FER: variants seen among roughly 807,000 people sequenced by gnomAD.
FER encodes tyrosine-protein kinase Fer.
FER carries 63 observed loss-of-function variants against 111.0 expected under a neutral mutation model. The ratio of observed to expected loss-of-function variants is 0.57; its 90% CI spans 0.46 to 0.70. The LOEUF (loss-of-function observed/expected upper bound fraction) is 0.70, where lower values mean the gene tolerates loss of function less well. FER is among the 30% of genes least tolerant of loss of function. The pLI is 0.00. For synonymous variants in FER, 327 were observed against 313.9 expected (o/e 1.04, Z -0.44); for missense variants, 914 against 954.0 (o/e 0.96, Z 0.55).
intron 13 of FER, among the ~76,000 whole-genome samples, chr5:109,034,612 C>A (rs1770105281): frequency 6.6e-6 from 1 of 152,078 alleles, no homozygotes; most frequent in Non-Finnish European, 1.5e-5. Flanking sequence ...GTCAATACTT[C>A]ACTATTTTAC....
At chr5:109,024,937 C>T (rs956773569) in intron 13 of FER, among the ~76,000 whole-genome samples, 53 of 149,936 alleles carry the variant, frequency 3.5e-4, no homozygotes, top group African/African-American at 1.0e-3. Context: ...TGTAGATATA[C>T]GGCCTTATTT....
intron 3 of FER, among the ~76,000 whole-genome samples, chr5:108,805,494 A>G (rs568614823): frequency 6.6e-6 from 1 of 152,344 alleles, no homozygotes; most frequent in South Asian, 2.1e-4. Flanking sequence ...AGGTTGGAAC[A>G]GTTTGGAAGG....
At chr5:108,998,359 T>A (rs1764282390) in intron 13 of FER, among the ~76,000 whole-genome samples, 1 of 152,038 alleles carries the variant, frequency 6.6e-6, no homozygotes, top group South Asian at 2.1e-4. Context: ...GCAGTGTTCC[T>A]CACAGCACAG....
chr5:108,929,087 G>T (rs1754196057), intron 10 of FER, among the ~76,000 whole-genome samples: 1 of 152,102 alleles, frequency 6.6e-6, no homozygotes, highest in Non-Finnish European at 1.5e-5. Context: ...TGAGGGGACT[G>T]GGAAAGAGGA....
chr5:108,825,271 C>T (rs1018999647), intron 3 of FER, among the ~76,000 whole-genome samples: 2 of 152,084 alleles, frequency 1.3e-5, no homozygotes, highest in Non-Finnish European at 2.9e-5. Context: ...TTTATTTCAC[C>T]CCTGCAGTCT....
At chr5:108,871,307 G>T in intron 6 of FER, 58 bp from the exon 7 acceptor site, 1 of 1,393,890 alleles carries the variant, frequency 7.2e-7, no homozygotes, top group South Asian at 1.3e-5. Context: ...TCCTTTTTGA[G>T]ATAGTATCTC....
rs376452998 is a variant in FER, at chr5:109,037,524, T to C, written c.1713+46T>C. 4 of 1,497,626 alleles carry C rather than the reference T, an allele frequency of 2.7e-6. No homozygotes were observed. The African/African-American group carries it at 4.2e-5, about 16-fold the overall frequency. The allele number at this position is 1,497,626 out of a possible 1,614,324, so 92.8% of individuals were successfully genotyped here. ...AATAACCAGAAGTCTCTATATTGAT[T>C]GTGAAGACTGCAGATTTTTTCATTT... On this transcript the variant is annotated intron_variant, in intron 14 of 19. Transcript: ENST00000281092.
intron 16 of FER, among the ~76,000 whole-genome samples, chr5:109,059,396 C>G (rs1219356180): frequency 6.0e-5 from 9 of 150,972 alleles, no homozygotes; most frequent in Non-Finnish European, 1.2e-4. Flanking sequence ...GGTGTGGTGG[C>G]GCACGCCTGT....
chr5:108,759,561 TTAAAAA>T (rs1290879840), intron 1 of FER, among the ~76,000 whole-genome samples: 2 of 152,204 alleles, frequency 1.3e-5, no homozygotes, highest in African/African-American at 2.4e-5. Flanking sequence ...ACTGAGTAAT[TTAAAAA>T]TAATAGAAAT....
intron 10 of FER, among the ~76,000 whole-genome samples, chr5:108,943,606 A>G (rs1756562119): frequency 6.6e-6 from 1 of 152,164 alleles, no homozygotes; most frequent in African/African-American, 2.4e-5. Context: ...ACTAAATGGA[A>G]TATTGCAGTG....
intron 14 of FER, among the ~76,000 whole-genome samples, chr5:109,038,184 A>G (rs1385210407): frequency 6.6e-6 from 1 of 151,950 alleles, no homozygotes; most frequent in African/African-American, 2.4e-5. Context: ...TTTTATTTAT[A>G]ATTGAGTTCC....
At chr5:108,891,748 C>G (rs1427163026) in intron 9 of FER, among the ~76,000 whole-genome samples, 3 of 151,090 alleles carry the variant, frequency 2.0e-5, no homozygotes, top group Non-Finnish European at 4.4e-5. Flanking sequence ...ATGTGCCATG[C>G]TGGTGTGCTG....
At chr5:109,054,338 C>A (rs187149976) in intron 16 of FER, among the ~76,000 whole-genome samples, 3 of 152,246 alleles carry the variant, frequency 2.0e-5, no homozygotes, top group Non-Finnish European at 4.4e-5. Flanking sequence ...TACTTCTATA[C>A]CTTATTGTGA....
Position 109,186,211 on chromosome 5 carries a change from TC to T in FER, c.2216del (p.Ser739Ter). On this transcript the variant is annotated frameshift_variant, in exon 19 of 20. Transcript: ENST00000281092. LOFTEE classifies it high-confidence loss of function. ...PEALNYGRYS[S>X]ESDVWSFGIL... is the part of the protein sequence containing the mutation. Reference sequence around the variant, plus strand: ...TGTTCCTCTTCCAGGGAGATACAGTTCAGAGAGTGACGTGTGGAGCTTTGGC... The same window carrying T: ...TGTTCCTCTTCCAGGGAGATACAGTTAGAGAGTGACGTGTGGAGCTTTGGC... 6.2e-7 allele frequency: 1 copy of T among 1,614,140 alleles called. No homozygotes were observed. The highest frequency in any genetic ancestry group is 8.5e-7 in the Non-Finnish European group (1 of 1,179,980).
intron 2 of FER, 39 bp from the exon 3 acceptor site, chr5:108,798,085 T>C (rs1423118886): frequency 1.2e-6 from 1 of 832,250 alleles, no homozygotes; most frequent in South Asian, 2.4e-5. Context: ...CTAATTTCCT[T>C]TTTATTTAAG....
At chr5:109,071,659 G>GT (rs908154930) in intron 16 of FER, among the ~76,000 whole-genome samples, 47 of 150,676 alleles carry the variant, frequency 3.1e-4, no homozygotes, top group East Asian at 2.7e-3. Context: ...AAAATTTTGG[G>GT]TTTTTTTTTC....
intron 6 of FER, among the ~76,000 whole-genome samples, chr5:108,869,833 G>A (rs1176690543): frequency 6.6e-6 from 1 of 152,024 alleles, no homozygotes; most frequent in African/African-American, 2.4e-5. Flanking sequence ...TGAAAATAAA[G>A]ATAATTTGAT....
chr5:108,891,910 C>T (rs559133070), intron 9 of FER, among the ~76,000 whole-genome samples: 61 of 152,030 alleles, frequency 4.0e-4, no homozygotes, highest in Middle Eastern at 3.4e-3. Context: ...TGAGAACATG[C>T]GGTGTTTGGT....
intron 16 of FER, among the ~76,000 whole-genome samples, chr5:109,057,465 A>T (rs77470091): frequency 6.6e-6 from 1 of 152,188 alleles, no homozygotes; most frequent in African/African-American, 2.4e-5. Flanking sequence ...TAGAAGGATA[A>T]TGAATGTTAT....
Sources: gnomAD v4.1 joint callset for allele counts (sites outside exome capture counted in the v4.1 genomes callset) on GRCh38, gnomAD v4.1.1 for gene constraint, MANE v1.5 for transcripts, NCBI Gene and HGNC (gene_info 2026-07-23, HGNC 2026-07-21) for gene names.